Variants in NRG3 observed in about 807,000 individuals in gnomAD.
NRG3 encodes pro-neuregulin-3, membrane-bound isoform.
Under a neutral mutation model 66.9 loss-of-function variants are expected in NRG3, and 31 were observed. The ratio of observed to expected loss-of-function variants is 0.46; its 90% CI spans 0.35 to 0.63. NRG3 has a LOEUF of 0.63. NRG3 is among the 20% of genes least tolerant of loss of function. The probability of loss-of-function intolerance (pLI) is 0.00; values close to 1 mark genes in which losing one functional copy is unlikely to be tolerated. For synonymous variants in NRG3, 393 were observed against 359.4 expected, an observed-to-expected ratio of 1.09 and a Z score of -1.06; for missense variants, 910 against 878.9, an observed-to-expected ratio of 1.04 and a Z score of -0.45.
chr10:82,190,917 A>G (rs1330489291), intron 1 of NRG3, among the ~76,000 whole-genome samples: 1 of 152,120 alleles, frequency 6.6e-6, no homozygotes. Flanking sequence ...ATATAACTCT[A>G]GTAGAGACAG....
intron 2 of NRG3, among the ~76,000 whole-genome samples, chr10:82,377,971 G>T: frequency 6.6e-6 from 1 of 152,190 alleles, no homozygotes; most frequent in Non-Finnish European, 1.5e-5. Context: ...CTTTTACTAG[G>T]CGTTTGGGCT....
chr10:82,348,887 C>T (rs1182090524), intron 1 of NRG3, among the ~76,000 whole-genome samples: 3 of 147,950 alleles, frequency 2.0e-5, no homozygotes, highest in East Asian at 2.0e-4. Flanking sequence ...GCATTCTTCA[C>T]GTAGTTCTCG....
intron 2 of NRG3, among the ~76,000 whole-genome samples, chr10:82,562,055 G>A (rs1044397670): frequency 6.6e-6 from 1 of 152,130 alleles, no homozygotes; most frequent in Admixed American, 6.5e-5. Flanking sequence ...ACATTTATTT[G>A]ATTTATGACT....
At chr10:82,674,999 G>T (rs1218246019) in intron 2 of NRG3, among the ~76,000 whole-genome samples, 1 of 150,202 alleles carries the variant, frequency 6.7e-6, no homozygotes, top group African/African-American at 2.5e-5. Context: ...TCACTGTGTC[G>T]CCCAGGCTGG....
At chr10:82,919,631 T>G (rs543131721) in intron 4 of NRG3, among the ~76,000 whole-genome samples, 1 of 152,204 alleles carries the variant, frequency 6.6e-6, no homozygotes, top group Non-Finnish European at 1.5e-5. Context: ...CAAGCCATTA[T>G]GAAATCCTTA....
chr10:82,703,875 C>T (rs1362664921), intron 2 of NRG3, among the ~76,000 whole-genome samples: 1 of 152,048 alleles, frequency 6.6e-6, no homozygotes, highest in East Asian at 1.9e-4. Flanking sequence ...TTAATCAAAT[C>T]ATAATGACTG....
intron 1 of NRG3, among the ~76,000 whole-genome samples, chr10:82,078,306 A>G (rs1448426558): frequency 2.6e-5 from 4 of 152,156 alleles, no homozygotes; most frequent in Admixed American, 2.6e-4. Context: ...ATGAAGGTGA[A>G]TGCTAACTCA....
chr10:82,502,809 ACTGT>A (rs1346602999), intron 2 of NRG3, among the ~76,000 whole-genome samples: 1 of 152,194 alleles, frequency 6.6e-6, no homozygotes, highest in African/African-American at 2.4e-5. Flanking sequence ...CATTTATATA[ACTGT>A]CTGTGGAGAA....
At chr10:81,983,858 T>C (rs7916037) in intron 1 of NRG3, among the ~76,000 whole-genome samples, 6,352 of 152,290 alleles carry the variant, frequency 0.042, 462 homozygotes, top group African/African-American at 0.15. Context: ...AACTTGTGAA[T>C]GTTTCCTTTT....
intron 2 of NRG3, among the ~76,000 whole-genome samples, chr10:82,474,606 A>G (rs749373849): frequency 6.6e-6 from 1 of 152,172 alleles, no homozygotes; most frequent in Non-Finnish European, 1.5e-5. Flanking sequence ...AAGTGAATGG[A>G]GCCTCAGGGA....
intron 1 of NRG3, among the ~76,000 whole-genome samples, chr10:81,905,617 G>A (rs960170193): frequency 2.0e-5 from 3 of 152,144 alleles, no homozygotes; most frequent in Non-Finnish European, 4.4e-5. Context: ...GATTAGTCTT[G>A]TACTTTTGTC....
intron 1 of NRG3, among the ~76,000 whole-genome samples, chr10:82,048,194 A>C (rs1346216188): frequency 6.6e-6 from 1 of 152,126 alleles, no homozygotes; most frequent in Non-Finnish European, 1.5e-5. Flanking sequence ...GATCAACGAG[A>C]CAGAAAGTTA....
intron 2 of NRG3, among the ~76,000 whole-genome samples, chr10:82,609,086 C>CT (rs1273752609): frequency 6.6e-6 from 1 of 151,926 alleles, no homozygotes; most frequent in African/African-American, 2.4e-5. Flanking sequence ...TCTCATAATC[C>CT]TTTTTTTACT....
chr10:81,932,247 G>GGAGA (rs141650195), intron 1 of NRG3, among the ~76,000 whole-genome samples: 2,045 of 149,640 alleles, frequency 0.014, 48 homozygotes, highest in African/African-American at 0.048. Flanking sequence ...AGGAGAGAGA[G>GGAGA]GAGAGAGAGA....
intron 1 of NRG3, among the ~76,000 whole-genome samples, chr10:81,908,880 T>G (rs1282487996): frequency 6.6e-6 from 1 of 152,128 alleles, no homozygotes; most frequent in African/African-American, 2.4e-5. Flanking sequence ...CCAGTAAAGA[T>G]GATGATGAGA....
chr10:82,832,804 T>TTGTGTGTGTGTGTGTGTGTG (rs139438548), intron 3 of NRG3, among the ~76,000 whole-genome samples: 9 of 147,924 alleles, frequency 6.1e-5, no homozygotes, highest in African/African-American at 2.2e-4. Context: ...ATGCATGTAA[T>TTGTGTGTGTGTGTGTGTGTG]TGTGTGTGTG....
intron 2 of NRG3, among the ~76,000 whole-genome samples, chr10:82,642,897 CATAT>C (rs369198241): frequency 6.7e-6 from 1 of 150,140 alleles, no homozygotes; most frequent in Non-Finnish European, 1.5e-5. Context: ...TATACATACA[CATAT>C]ATATATATAT....
At chr10:82,573,954 C>A (rs1038533722) in intron 2 of NRG3, among the ~76,000 whole-genome samples, 2 of 151,630 alleles carry the variant, frequency 1.3e-5, no homozygotes, top group African/African-American at 4.8e-5. Flanking sequence ...ATTAGTATAG[C>A]CATTATGGAA....
chr10:82,358,889 A>T, intron 2 of NRG3, 21 bp downstream of exon 2: 10 of 1,614,010 alleles, frequency 6.2e-6, no homozygotes, highest in Non-Finnish European at 8.5e-6. Flanking sequence ...GAGGCCACTG[A>T]TGGAAAGGGC....
Sources: gnomAD v4.1 joint callset for allele counts (sites outside exome capture counted in the v4.1 genomes callset) on GRCh38, gnomAD v4.1.1 for gene constraint, MANE v1.5 for transcripts, NCBI Gene and HGNC (gene_info 2026-07-23, HGNC 2026-07-21) for gene names.